Variants in FRMPD4 observed in about 807,000 individuals in gnomAD.
FRMPD4 encodes the protein FERM and PDZ domain containing 4.
A neutral mutation model predicts 94.1 loss-of-function variants in FRMPD4; 22 were observed. The observed-to-expected ratio is 0.23, with a 90% CI of 0.17 to 0.33. The LOEUF (loss-of-function observed/expected upper bound fraction) is 0.33, where lower values mean the gene tolerates loss of function less well. FRMPD4 is among the 10% of genes least tolerant of loss of function. The pLI is 1.00. For missense variants in FRMPD4, 1,111 were observed against 1,339.9 expected (o/e 0.83, Z 2.67); for synonymous variants, 631 against 548.6 (o/e 1.15, Z -2.10).
intron 2 of FRMPD4, among the ~76,000 whole-genome samples, chrX:12,550,665 A>G (rs760226179): frequency 8.5e-4 from 94 of 111,123 alleles, no homozygotes; most frequent in African/African-American, 2.9e-3. Flanking sequence ...TGTTCTCTGT[A>G]TATACACAGC....
intron 3 of FRMPD4, among the ~76,000 whole-genome samples, chrX:12,095,655 T>C (rs1425585978): frequency 9.0e-6 from 1 of 111,513 alleles, no homozygotes; most frequent in East Asian, 2.8e-4. Flanking sequence ...ACTTTTTGCA[T>C]TGGTGAGCTC....
chrX:12,198,416 T>C (rs762669926), intron 1 of FRMPD4, among the ~76,000 whole-genome samples: 1 of 111,893 alleles, frequency 8.9e-6, no homozygotes, highest in East Asian at 2.8e-4. Flanking sequence ...AAAATAAAGG[T>C]TTGGATTTGG....
At chrX:12,580,114 A>AG (rs1252841303) in intron 2 of FRMPD4, among the ~76,000 whole-genome samples, 1 of 112,359 alleles carries the variant, frequency 8.9e-6, no homozygotes, top group Non-Finnish European at 1.9e-5. Flanking sequence ...TAGATTCAAG[A>AG]GGGGAGTTGA....
intron 1 of FRMPD4, among the ~76,000 whole-genome samples, chrX:12,259,216 G>T (rs1054505362): frequency 9.0e-6 from 1 of 111,586 alleles, no homozygotes; most frequent in Non-Finnish European, 1.9e-5. Flanking sequence ...GCTCCCAAGC[G>T]GGGGGTGCGT....
chrX:12,156,236 A>G (rs1427051449), intron 1 of FRMPD4, among the ~76,000 whole-genome samples: 2 of 111,664 alleles, frequency 1.8e-5, no homozygotes, highest in African/African-American at 6.5e-5. Context: ...CCTCATTGAC[A>G]AACACTGGAT....
At chrX:12,075,838 G>A (rs901453161) in intron 3 of FRMPD4, among the ~76,000 whole-genome samples, 1 of 112,319 alleles carries the variant, frequency 8.9e-6, no homozygotes, top group African/African-American at 3.2e-5. Flanking sequence ...GAAGTTGAAT[G>A]TGGAATTACA....
chrX:11,958,728 A>G (rs1202388685), intron 3 of FRMPD4, among the ~76,000 whole-genome samples: 2 of 112,202 alleles, frequency 1.8e-5, no homozygotes, highest in Admixed American at 1.9e-4. Context: ...GACTTGTTGG[A>G]TGGTGATAGA....
chrX:12,519,762 C>A (rs1057382598), intron 2 of FRMPD4, among the ~76,000 whole-genome samples: 17 of 112,305 alleles, frequency 1.5e-4, no homozygotes, highest in Admixed American at 1.3e-3. Flanking sequence ...ATAGACATTT[C>A]TTCAAAGATG....
chrX:12,695,128 T>C (rs2060115304), intron 9 of FRMPD4, among the ~76,000 whole-genome samples: 1 of 111,716 alleles, frequency 9.0e-6, no homozygotes, highest in Admixed American at 9.5e-5. Flanking sequence ...GGAGTACTAG[T>C]CAGCTATTTT....
At chrX:12,680,006 G>A (rs1380203985) in intron 5 of FRMPD4, among the ~76,000 whole-genome samples, 3 of 112,017 alleles carry the variant, frequency 2.7e-5, no homozygotes, top group Admixed American at 9.4e-5. Flanking sequence ...TTCACCAAAT[G>A]TTCACTCAAT....
intron 1 of FRMPD4, among the ~76,000 whole-genome samples, chrX:11,848,571 A>G (rs1457638311): frequency 9.4e-6 from 1 of 106,603 alleles, no homozygotes; most frequent in Non-Finnish European, 1.9e-5. Flanking sequence ...AGACTCTTTC[A>G]TCCAGGGATA....
intron 3 of FRMPD4, among the ~76,000 whole-genome samples, chrX:12,079,926 A>T (rs2055048986): frequency 8.9e-6 from 1 of 112,863 alleles, no homozygotes; most frequent in African/African-American, 3.2e-5. Context: ...TTAAATAAAA[A>T]GTAAAATTAA....
chrX:12,673,526 G>C (rs1229659056), intron 4 of FRMPD4, among the ~76,000 whole-genome samples: 1 of 111,748 alleles, frequency 8.9e-6, no homozygotes, highest in Non-Finnish European at 1.9e-5. Context: ...TTGTGACACT[G>C]AAGTTGACCT....
At chrX:12,338,810 C>T (rs1416212039) in intron 1 of FRMPD4, among the ~76,000 whole-genome samples, 4 of 112,259 alleles carry the variant, frequency 3.6e-5, no homozygotes, top group Non-Finnish European at 7.5e-5. Flanking sequence ...GCAACTTGCA[C>T]CAGGGCAAAT....
At chrX:12,394,160 T>C (rs1402622357) in intron 1 of FRMPD4, among the ~76,000 whole-genome samples, 1 of 112,072 alleles carries the variant, frequency 8.9e-6, no homozygotes, top group Non-Finnish European at 1.9e-5. Context: ...ATGTCATGAC[T>C]TATTTTGCTA....
chrX:12,409,489 G>C (rs1324868853), intron 1 of FRMPD4, among the ~76,000 whole-genome samples: 2 of 112,079 alleles, frequency 1.8e-5, no homozygotes, highest in Non-Finnish European at 3.8e-5. Flanking sequence ...TTTAATTGAA[G>C]ACAATAGAAC....
chrX:11,843,578 C>A (rs763654197), intron 1 of FRMPD4, among the ~76,000 whole-genome samples: 2 of 108,292 alleles, frequency 1.8e-5, no homozygotes, highest in African/African-American at 6.7e-5. Flanking sequence ...TTTTCTTTTT[C>A]TTTTTCTTTT....
intron 1 of FRMPD4, among the ~76,000 whole-genome samples, chrX:11,859,212 G>A (rs1430843490): frequency 9.0e-6 from 1 of 111,475 alleles, no homozygotes; most frequent in Non-Finnish European, 1.9e-5. Context: ...AACTACACTT[G>A]CAGAGAAGGA....
chrX:12,082,758 G>C (rs920699211), intron 3 of FRMPD4, among the ~76,000 whole-genome samples: 1 of 111,512 alleles, frequency 9.0e-6, no homozygotes, highest in African/African-American at 3.3e-5. Context: ...TGAGGAACTT[G>C]GGAACTAGAG....
Sources: allele counts gnomAD v4.1 joint callset (sites outside exome capture counted in the v4.1 genomes callset), GRCh38; gene constraint gnomAD v4.1.1; transcripts MANE v1.5; gene names NCBI Gene and HGNC (gene_info 2026-07-23, HGNC 2026-07-21).